Variants in FBXW9 observed in about 807,000 individuals in gnomAD.
FBXW9 encodes F-box/WD repeat-containing protein 9.
FBXW9 carries 38 observed loss-of-function variants against 55.8 expected under a neutral mutation model. That is an observed-to-expected ratio of 0.68 (90% CI 0.53 to 0.89). The LOEUF (loss-of-function observed/expected upper bound fraction) is 0.89. FBXW9 is among the 40% of genes least tolerant of loss of function. The pLI is 0.00. For missense variants in FBXW9, 590 were observed against 619.4 expected (o/e 0.95, Z 0.50); for synonymous variants, 289 against 278.2 (o/e 1.04, Z -0.38).
chr19:12,694,759 C>T (rs953503119), intron 2 of FBXW9, 37 bp from the exon 3 acceptor site: 2 of 1,613,816 alleles, frequency 1.2e-6, no homozygotes, highest in Non-Finnish European at 1.7e-6. Context: ...CAGGGCCACC[C>T]TGGCCCACCC....
rs747343374 is a variant in FBXW9 at position 12,696,206 on chromosome 19, G to A, written c.376C>T (p.Arg126Cys). 1.3e-6 allele frequency: 2 copies of A among 1,548,534 alleles called. No individual in the cohort carries two copies. The highest frequency in any genetic ancestry group is 1.7e-6 in the Non-Finnish European group (2 of 1,148,510). ...DHVTWRLRAL[R>C]RVRAPYPVVE... The stretch of plus-strand genomic sequence containing the variant: ...ACTGGGTAGGGCGCGCGTACGCGGC[G>A]TAGCGCGCGTAGCCTCCAGGTGACA... The change falls in exon 1 of 10, where the codon CGC becomes TGC. Residue 126 changes from arginine (R) to cysteine (C), a missense_variant. Arg to Cys is a radical substitution (Grantham distance 180, BLOSUM62 -3). Transcript: ENST00000393261.
rs1417291172 is a variant in FBXW9 at position 12,689,385 on chromosome 19, T to C, written c.1289A>G (p.Asn430Ser). Residue 430 changes from asparagine (N) to serine (S), a missense_variant, in exon 9 of 10, where the codon AAT becomes AGT. Asn to Ser is a conservative substitution (Grantham distance 46). Transcript: ENST00000393261. This position sits in a 1 kb window ranked among gnomAD's most constrained non-coding sequence, Gnocchi z 5.9. ...GCAGGACCTTACCCTATTGAGCCCA[T>C]TGTCATGCCTTCGGGTGCAAATGGT... ...PRTICTRRHD[N>S]GLNRVCAEGN... 4 of 1,614,010 alleles carry C rather than the reference T, an allele frequency of 2.5e-6. No homozygotes were observed. Among genetic ancestry groups the C allele is most frequent in the African/African-American group, 2.7e-5 (2 of 74,938 alleles).
At position 12,695,529 on chromosome 19, in the gene FBXW9, G is replaced by C. The variant is rs143991227; in HGVS notation, c.410-591C>G. 5.9e-5 allele frequency among the ~76,000 whole-genome samples: 9 copies of C among 152,244 alleles called. No homozygotes were observed. The East Asian group carries it at 1.5e-3, about 26-fold the overall frequency. On this transcript the variant is annotated intron_variant, in intron 1 of 9. Transcript: ENST00000393261. ...AGTGATCCTGATTCCTCTCTAAGCA[G>C]AATCAAAGCTTCCAGGTTAAGGGTA...
At chr19:12,693,501 GAAAAAAAAAAAAAAA>G (rs1214446276) in intron 3 of FBXW9, among the ~76,000 whole-genome samples, 33 of 2,122 alleles carry the variant, frequency 0.016, no homozygotes, top group Admixed American at 0.091. Context: ...TCTACTAAAG[GAAAAAAAAAAAAAAA>G]AAAAAAAAAA....
At position 12,690,128 on chromosome 19, in the gene FBXW9, C is replaced by T. The variant is rs758317154; in HGVS notation, c.884-18G>A. On this transcript the variant is annotated intron_variant, in intron 5 of 9. Coordinates refer to ENST00000393261, the MANE Select transcript of FBXW9 (RefSeq NM_032301.3). ...TGGGCCGGCTTCATGGGTGATGGGC[C>T]GGTGAGGAGGGATATCAGAGCCCCT... The T allele has an allele frequency of 2.4e-5, 38 of 1,613,056 alleles. No homozygotes were observed. Among genetic ancestry groups the T allele is most frequent in the African/African-American group, 2.7e-5 (2 of 74,856 alleles).
At chr19:12,690,326 A>G in intron 5 of FBXW9, 1 of 710,106 alleles carries the variant, frequency 1.4e-6, no homozygotes, top group Non-Finnish European at 2.4e-6. Flanking sequence ...TCCACATCCC[A>G]TATCCCTCCT....
In FBXW9 at chr19:12,689,888, A is replaced by G. The variant is rs377402155; in HGVS notation, c.1033-14T>C. 5 of 1,613,470 alleles carry G rather than the reference A, an allele frequency of 3.1e-6. No homozygotes were observed. The African/African-American group carries it at 4.0e-5, about 13-fold the overall frequency. On this transcript the variant is annotated splice_polypyrimidine_tract_variant and intron_variant, in intron 6 of 9. Coordinates refer to ENST00000393261, the MANE Select transcript of FBXW9 (RefSeq NM_032301.3). The surrounding 1 kb of genome is among the most constrained non-coding windows in gnomAD (Gnocchi z 5.9). ...GTAGGAGTCCAGCTACGAGAGGGAC[A>G]AGGGACGGGACAGCTCAGGCCGGGC...
In FBXW9 at chr19:12,688,985, C is replaced by T. The variant is rs999307848; in HGVS notation, c.*231G>A. ...TGAGAGCGGGGCATCCAAATCATAACAAAACCAGGGCCCAAGAGTGGGAAG... is the reference window on the plus strand; with the variant it reads ...TGAGAGCGGGGCATCCAAATCATAATAAAACCAGGGCCCAAGAGTGGGAAG... On this transcript the variant is annotated 3_prime_UTR_variant, in exon 10 of 10. Coordinates refer to ENST00000393261, the MANE Select transcript of FBXW9 (RefSeq NM_032301.3). 4.4e-6 allele frequency: 3 copies of T among 689,638 alleles called. No homozygotes were observed. The African/African-American group carries it at 5.3e-5, about 12-fold the overall frequency. 42.7% of individuals were successfully genotyped at this position (689,638 alleles called of 1,614,324 possible). A position where few individuals can be genotyped will look rare whatever the true frequency, so the allele number is the denominator to read the frequency against.
chr19:12,694,738 G>A lies in FBXW9; in HGVS notation c.550-16C>T, dbSNP rs758111345. 1.9e-6 allele frequency: 3 copies of A among 1,614,216 alleles called. No homozygotes were observed. Among genetic ancestry groups the A allele is most frequent in the East Asian group, 4.5e-5 (2 of 44,884 alleles). On this transcript the variant is annotated splice_polypyrimidine_tract_variant and intron_variant, in intron 2 of 9. Coordinates refer to ENST00000393261, the MANE Select transcript of FBXW9 (RefSeq NM_032301.3). ...GTGACCCACCCTGGAAAGGGAGCAAGGTGATGTTGTCAGGGCCACCCTGGC... is the reference window on the plus strand; with the variant it reads ...GTGACCCACCCTGGAAAGGGAGCAAAGTGATGTTGTCAGGGCCACCCTGGC...
At chr19:12,693,530 AT>A (rs1280802037) in intron 3 of FBXW9, among the ~76,000 whole-genome samples, 187 of 9,550 alleles carry the variant, frequency 0.02, 26 homozygotes, top group South Asian at 0.064. Flanking sequence ...AAAAAAAAAA[AT>A]ATATATATAT....
Position 12,689,701 on chromosome 19 carries a change from G to A in FBXW9, c.1146+60C>T. The A allele has an allele frequency of 2.5e-6, 4 of 1,607,888 alleles. No individual in the cohort carries two copies. The highest frequency in any genetic ancestry group is 3.4e-6 in the Non-Finnish European group (4 of 1,174,682). The stretch of plus-strand genomic sequence containing the variant: ...GCCCGCCCTCCCCCACACCACCAGG[G>A]GCTCGGGTAGGAAGGAAGCCCGGGG... On this transcript the variant is annotated intron_variant, in intron 7 of 9. Coordinates refer to ENST00000393261, the MANE Select transcript of FBXW9 (RefSeq NM_032301.3). The surrounding 1 kb of genome is among the most constrained non-coding windows in gnomAD (Gnocchi z 5.9).
rs1409817246 is a variant in FBXW9, at chr19:12,691,067, T to C, written c.883+99A>G. ...CATGGCCACTCTGAGTGGTGAGTAT[T>C]TGGTTAAGTGACTATGACCCCAGCC... On this transcript the variant is annotated intron_variant, in intron 5 of 9. Transcript: ENST00000393261. 3.8e-6 allele frequency: 4 copies of C among 1,041,184 alleles called. No homozygotes were observed. In the Middle Eastern group the frequency reaches 6.7e-4, roughly 176 times the overall value. 64.5% of individuals were successfully genotyped at this position (1,041,184 alleles called of 1,614,324 possible).
In FBXW9 at chr19:12,696,310, C is replaced by T; in HGVS notation, c.272G>A (p.Cys91Tyr). 6.3e-7 allele frequency: 1 copy of T among 1,583,826 alleles called. No individual in the cohort carries two copies. The highest frequency in any genetic ancestry group is 1.8e-5 in the Admixed American group (1 of 54,768). The change falls in exon 1 of 10, where the codon TGC becomes TAC. Residue 91 changes from cysteine to tyrosine, a missense_variant. Coordinates refer to ENST00000393261, the MANE Select transcript of FBXW9 (RefSeq NM_032301.3). ...CACGAGGCGGGCGTCCAGGTAGGAG[C>T]AGATCTCGAGCAGCAGCTCCGGGGG... ...SLPPELLLEI[C>Y]SYLDARLVLH...
intron 5 of FBXW9, 148 bp from the exon 6 acceptor site, chr19:12,690,258 C>T: frequency 7.3e-7 from 1 of 1,369,476 alleles, no homozygotes; most frequent in South Asian, 1.2e-5. Flanking sequence ...CATCTCTCCT[C>T]TCCCGCCTCA....
rs139535728 is a variant in FBXW9 at position 12,696,156 on chromosome 19, C to A, written c.409+17G>T. 4.0e-3 allele frequency: 6,081 copies of A among 1,503,068 alleles called. 204 individuals are homozygous for A. In the African/African-American group the frequency reaches 0.074, roughly 18 times the overall value. 93.1% of individuals were successfully genotyped at this position (1,503,068 alleles called of 1,614,324 possible). On this transcript the variant is annotated intron_variant, in intron 1 of 9. Coordinates refer to ENST00000393261, the MANE Select transcript of FBXW9 (RefSeq NM_032301.3). Reference sequence around the variant, plus strand: ...GGCGCCCCCGGCCCCCGGTCCCCGGCCCCCGGCCCCGCGCACCTTCCACCA... The same window carrying A: ...GGCGCCCCCGGCCCCCGGTCCCCGGACCCCGGCCCCGCGCACCTTCCACCA...
At position 12,690,086 on chromosome 19, in the gene FBXW9, T is replaced by C. The variant is rs1360083229; in HGVS notation, c.908A>G (p.Gln303Arg). The change falls in exon 6 of 10, where the codon CAG becomes CGG. Residue 303 changes from glutamine to arginine, a missense_variant. Coordinates refer to ENST00000393261, the MANE Select transcript of FBXW9 (RefSeq NM_032301.3). ...CAGCACGGGTCTGGAGTGTAGTTGC[T>C]GGTGCTTCAACAGGGCTGGGCCGGC... ...PRAGPALLKH[Q>R]QLHSRPVLTL... 6.2e-7 allele frequency: 1 copy of C among 1,613,762 alleles called. No individual in the cohort carries two copies. The highest frequency in any genetic ancestry group is 2.2e-5 in the East Asian group (1 of 44,886).
chr19:12,693,818 G>A (rs1386136575), intron 3 of FBXW9, among the ~76,000 whole-genome samples: 1 of 150,856 alleles, frequency 6.6e-6, no homozygotes, highest in Non-Finnish European at 1.5e-5. Flanking sequence ...TTGAATCCCG[G>A]AGGCAGAGGT....
chr19:12,689,074 G>A lies in FBXW9; in HGVS notation c.*142C>T. 2.6e-6 allele frequency: 2 copies of A among 772,216 alleles called. No individual in the cohort carries two copies. The highest frequency in any genetic ancestry group is 4.5e-6 in the Non-Finnish European group (2 of 442,626). The allele number at this position is 772,216 out of a possible 1,614,324, so 47.8% of individuals were successfully genotyped here. On this transcript the variant is annotated 3_prime_UTR_variant, in exon 10 of 10. Coordinates refer to ENST00000393261, the MANE Select transcript of FBXW9 (RefSeq NM_032301.3). The surrounding 1 kb of genome is among the most constrained non-coding windows in gnomAD (Gnocchi z 5.9). Reference sequence around the variant, plus strand: ...CCCCCGGGCATAGGGCCCAGGCCAGGACGCTCACCCGAATGTGGCTGGGAC... The same window carrying A: ...CCCCCGGGCATAGGGCCCAGGCCAGAACGCTCACCCGAATGTGGCTGGGAC...
At chr19:12,694,768 C>T (rs746540954) in intron 2 of FBXW9, 31 bp downstream of exon 2, 3 of 1,613,730 alleles carry the variant, frequency 1.9e-6, no homozygotes, top group African/African-American at 2.7e-5. Flanking sequence ...CCTGGCCCAC[C>T]CTGCCTGGCC....
Sources: allele counts gnomAD v4.1 joint callset (sites outside exome capture counted in the v4.1 genomes callset), GRCh38; gene constraint gnomAD v4.1.1; non-coding constraint Gnocchi (gnomAD v3.1); transcripts MANE v1.5; gene names NCBI Gene and HGNC (gene_info 2026-07-23, HGNC 2026-07-21).